Variants in DLC1 observed in about 807,000 individuals in gnomAD.
DLC1 encodes DLC1 Rho GTPase activating protein.
A neutral mutation model predicts 140.3 loss-of-function variants in DLC1; 54 were observed. The ratio of observed to expected loss-of-function variants is 0.38; its 90% CI spans 0.31 to 0.48. The LOEUF (loss-of-function observed/expected upper bound fraction) is 0.48. DLC1 is among the 20% of genes least tolerant of loss of function. DLC1 has a pLI of 0.96. For synonymous variants in DLC1, 986 were observed against 728.1 expected, an observed-to-expected ratio of 1.35 and a Z score of -5.70; for missense variants, 2,536 against 1,907.0, an observed-to-expected ratio of 1.33 and a Z score of -6.14.
At chr8:13,325,573 T>G (rs558957276) in intron 4 of DLC1, among the ~76,000 whole-genome samples, 2 of 152,234 alleles carry the variant, frequency 1.3e-5, no homozygotes, top group East Asian at 3.9e-4. Context: ...GGCAGAGACA[T>G]AAACAAAGCA....
At chr8:13,508,137 C>G (rs988072895) in intron 1 of DLC1, among the ~76,000 whole-genome samples, 1 of 152,196 alleles carries the variant, frequency 6.6e-6, no homozygotes, top group African/African-American at 2.4e-5. Flanking sequence ...CAGGTTGCTG[C>G]TATTTAATGT....
In DLC1 at chr8:13,319,817, C is replaced by CTTTTTT. The variant is rs1563250552; in HGVS notation, c.1315-14516_1315-14515insAAAAAA. On this transcript the variant is annotated intron_variant, in intron 4 of 17. Coordinates refer to ENST00000276297, the MANE Select transcript of DLC1 (RefSeq NM_182643.3). ...CTCCAACCATTGTTTAATTCTCTCTCTCTCTTTTTTTTTTTTTTTTTTTGA... is the reference window on the plus strand; with the variant it reads ...CTCCAACCATTGTTTAATTCTCTCTCTTTTTTTCTCTTTTTTTTTTTTTTTTTTTGA... Among the ~76,000 whole-genome samples the CTTTTTT allele has an allele frequency of 2.9e-4, 5 of 17,070 alleles. No individual in the cohort carries two copies. In the East Asian group the frequency reaches 0.017, roughly 58 times the overall value. 11.2% of individuals were successfully genotyped at this position (17,070 alleles called of 152,430 possible). A position where few individuals can be genotyped will look rare whatever the true frequency, so the allele number is the denominator to read the frequency against.
Position 13,499,489 on chromosome 8 carries a change from T to C in DLC1, c.583A>G (p.Asn195Asp). Residue 195 changes from asparagine to aspartate, a missense_variant, in exon 2 of 18, where the codon AAT becomes GAT. Coordinates refer to ENST00000276297, the MANE Select transcript of DLC1 (RefSeq NM_182643.3). ...TTTATTTCACTTAAGCTTATTTCATTGCAAAGCTCCAGGCTTTTACTTATA... is the reference window on the plus strand; with the variant it reads ...TTTATTTCACTTAAGCTTATTTCATCGCAAAGCTCCAGGCTTTTACTTATA... ...DSISKSLELCNEISLSEIKDA... is the reference protein window; with the variant it reads ...DSISKSLELCDEISLSEIKDA... 1 of 1,614,186 alleles carries C rather than the reference T, an allele frequency of 6.2e-7. No individual in the cohort carries two copies. The highest frequency in any genetic ancestry group is 8.5e-7 in the Non-Finnish European group (1 of 1,180,022).
At chr8:13,514,383 G>C (rs1286993070) in intron 1 of DLC1, among the ~76,000 whole-genome samples, 1 of 152,204 alleles carries the variant, frequency 6.6e-6, no homozygotes, top group East Asian at 1.9e-4. Flanking sequence ...TGGAGGAAAA[G>C]AGTTAAATCT....
intron 2 of DLC1, among the ~76,000 whole-genome samples, chr8:13,426,766 T>A (rs1838602733): frequency 6.6e-6 from 1 of 150,618 alleles, no homozygotes; most frequent in African/African-American, 2.4e-5. Context: ...TATAGTCCCA[T>A]TGCCTCGTTC....
intron 5 of DLC1, among the ~76,000 whole-genome samples, chr8:13,147,538 G>A (rs368088567): frequency 6.6e-6 from 1 of 152,152 alleles, no homozygotes; most frequent in Admixed American, 6.5e-5. Flanking sequence ...GAGCGGGCAG[G>A]CACTCTTATC....
chr8:13,551,895 T>C (rs1277547724), intron 1 of DLC1, among the ~76,000 whole-genome samples: 1 of 101,648 alleles, frequency 9.8e-6, no homozygotes, highest in Non-Finnish European at 2.1e-5. Context: ...CAGGTATATA[T>C]ACATATATAT....
chr8:13,336,273 T>A (rs1287574568), intron 4 of DLC1, among the ~76,000 whole-genome samples: 1 of 152,134 alleles, frequency 6.6e-6, no homozygotes, highest in Admixed American at 6.6e-5. Flanking sequence ...GTGAAAGTGC[T>A]TGACCCCAAG....
intron 5 of DLC1, among the ~76,000 whole-genome samples, chr8:13,158,748 G>GAC (rs1824451727): frequency 7.3e-5 from 1 of 13,748 alleles, no homozygotes; most frequent in Admixed American, 7.6e-4. Flanking sequence ...CCCCCCCCCC[G>GAC]CCCGCCACAC....
intron 4 of DLC1, among the ~76,000 whole-genome samples, chr8:13,369,156 C>T (rs1835619899): frequency 1.3e-5 from 2 of 151,992 alleles, no homozygotes; most frequent in South Asian, 4.1e-4. Context: ...TTCATATGTC[C>T]ATCCTGCATC....
intron 5 of DLC1, among the ~76,000 whole-genome samples, chr8:13,182,489 A>T (rs905949667): frequency 2.6e-5 from 4 of 152,168 alleles, no homozygotes; most frequent in Non-Finnish European, 4.4e-5. Context: ...CCTTGAATTA[A>T]TTTTTGTACA....
chr8:13,236,990 C>T (rs1829310263), intron 5 of DLC1, among the ~76,000 whole-genome samples: 1 of 151,982 alleles, frequency 6.6e-6, no homozygotes, highest in South Asian at 2.1e-4. Flanking sequence ...TTACAAATTT[C>T]TCTCTGTGAC....
chr8:13,166,842 G>A (rs1409367575), intron 5 of DLC1, among the ~76,000 whole-genome samples: 1 of 152,208 alleles, frequency 6.6e-6, no homozygotes, highest in African/African-American at 2.4e-5. Context: ...GGACCTAGGT[G>A]GGGCCTGAGA....
chr8:13,137,899 G>C (rs1273515751), intron 5 of DLC1, among the ~76,000 whole-genome samples: 4 of 151,994 alleles, frequency 2.6e-5, no homozygotes, highest in Non-Finnish European at 5.9e-5. Flanking sequence ...CACCTGGCCA[G>C]ACATCACTTT....
intron 1 of DLC1, among the ~76,000 whole-genome samples, chr8:13,599,023 A>C (rs2117493350): frequency 6.6e-6 from 1 of 152,032 alleles, no homozygotes; most frequent in Non-Finnish European, 1.5e-5. Context: ...CATTTAACTA[A>C]GGTACCAAAG....
At chr8:13,285,271 G>T (rs1047542186) in intron 5 of DLC1, among the ~76,000 whole-genome samples, 1 of 152,118 alleles carries the variant, frequency 6.6e-6, no homozygotes, top group East Asian at 1.9e-4. Context: ...GCTAAAGTTA[G>T]CTAATGGAGG....
intron 1 of DLC1, among the ~76,000 whole-genome samples, chr8:13,537,915 A>C (rs147849649): frequency 6.6e-6 from 1 of 152,020 alleles, no homozygotes; most frequent in Non-Finnish European, 1.5e-5. Context: ...CGGCCTCCCA[A>C]AGTTCTGGGA....
chr8:13,156,999 A>C (rs4831887), intron 5 of DLC1, among the ~76,000 whole-genome samples: 7,532 of 152,254 alleles, frequency 0.049, 553 homozygotes, highest in East Asian at 0.26. Context: ...TGATTCTCAG[A>C]CAGGAAGTGT....
chr8:13,534,871 CTG>C (rs1374672784), intron 1 of DLC1, among the ~76,000 whole-genome samples: 2 of 152,170 alleles, frequency 1.3e-5, no homozygotes, highest in Admixed American at 6.6e-5. Flanking sequence ...GGAAAAAAAT[CTG>C]AGAGATGTTT....
Sources: allele counts gnomAD v4.1 joint callset (sites outside exome capture counted in the v4.1 genomes callset), GRCh38; gene constraint gnomAD v4.1.1; transcripts MANE v1.5; gene names NCBI Gene and HGNC (gene_info 2026-07-23, HGNC 2026-07-21).